Variants in SLC43A3 observed in about 807,000 individuals in gnomAD.
SLC43A3 encodes solute carrier family 43 member 3.
In SLC43A3, 33 loss-of-function variants were observed where a neutral mutation model predicts 53.3. The observed-to-expected ratio is 0.62, with a 90% CI of 0.47 to 0.83. The LOEUF (loss-of-function observed/expected upper bound fraction) is 0.83. SLC43A3 is among the 40% of genes least tolerant of loss of function. The pLI is 0.00. For missense variants in SLC43A3, 530 were observed against 610.0 expected (o/e 0.87, Z 1.38); for synonymous variants, 236 against 246.2 (o/e 0.96, Z 0.39).
At chr11:57,419,298 G>A (rs1942873343) in intron 7 of SLC43A3, among the ~76,000 whole-genome samples, 2 of 152,190 alleles carry the variant, frequency 1.3e-5, no homozygotes, top group Non-Finnish European at 2.9e-5. Context: ...TGACTGGTAT[G>A]ACATCAAAGA....
chr11:57,421,472 G>A (rs1466350704), intron 5 of SLC43A3, 99 bp from the exon 6 acceptor site: 16 of 856,348 alleles, frequency 1.9e-5, no homozygotes, highest in Non-Finnish European at 2.9e-5. Context: ...CAACAATCCT[G>A]GTATCCAGGC....
chr11:57,420,478 T>A (rs1320203480), intron 7 of SLC43A3, among the ~76,000 whole-genome samples: 1 of 152,168 alleles, frequency 6.6e-6, no homozygotes, highest in African/African-American at 2.4e-5. Context: ...ACAGAATGGT[T>A]GTTGATTGAC....
intron 7 of SLC43A3, among the ~76,000 whole-genome samples, chr11:57,418,733 T>C (rs1942837342): frequency 6.6e-6 from 1 of 151,606 alleles, no homozygotes. Flanking sequence ...CTACTGAAAA[T>C]ACAAAAATTA....
At position 57,425,408 on chromosome 11, in the gene SLC43A3, C is replaced by G. The variant is rs1943168041; in HGVS notation, c.314+133G>C. ...TGCCTGGGGCTGTTCCTAACAGCTG[C>G]TGGGAGCGAGCTGCAGGTGTGGTGC... is the stretch of plus-strand genomic sequence containing the variant. On this transcript the variant is annotated intron_variant, in intron 4 of 13. Transcript: ENST00000395124. The G allele has an allele frequency of 1.0e-5, 9 of 881,336 alleles. No individual in the cohort carries two copies. The Admixed American group carries it at 1.8e-4, about 17-fold the overall frequency. The allele number at this position is 881,336 out of a possible 1,614,324, so 54.6% of individuals were successfully genotyped here.
rs764342644 is a variant in SLC43A3 at position 57,409,977 on chromosome 11, C to T, written c.1205G>A (p.Arg402His). 6 of 1,612,948 alleles carry T rather than the reference C, an allele frequency of 3.7e-6. No individual in the cohort carries two copies. Among genetic ancestry groups the T allele is most frequent in the Non-Finnish European group, 5.1e-6 (6 of 1,179,566 alleles). Residue 402 changes from arginine (R) to histidine (H), a missense_variant, in exon 12 of 14, where the codon CGC becomes CAC. Transcript: ENST00000395124. ...CGCGTTGCTCCCATAGAGGAAGGAG[C>T]GGCTGATCACTTGCAGGATGAAGGT... The part of the protein sequence containing the change: ...YLTFILQVIS[R>H]SFLYGSNAAF...
intron 11 of SLC43A3, among the ~76,000 whole-genome samples, chr11:57,413,483 T>C (rs1270154432): frequency 6.6e-6 from 1 of 152,136 alleles, no homozygotes; most frequent in African/African-American, 2.4e-5. Flanking sequence ...CATGTACGGG[T>C]ATAGAGAAAT....
chr11:57,409,067 G>T, intron 13 of SLC43A3, 108 bp downstream of exon 13: 1 of 1,087,562 alleles, frequency 9.2e-7, no homozygotes, highest in Non-Finnish European at 1.4e-6. Flanking sequence ...CAGACCCTTT[G>T]GGAAGCTGCA....
At chr11:57,423,713 A>C in intron 5 of SLC43A3, 1 of 363,524 alleles carries the variant, frequency 2.8e-6, no homozygotes, top group Non-Finnish European at 5.1e-6. Context: ...TACAGGAGTG[A>C]GCCACTGCAC....
At chr11:57,425,453 G>C in intron 4 of SLC43A3, 88 bp downstream of exon 4, 2 of 1,454,038 alleles carry the variant, frequency 1.4e-6, no homozygotes, top group African/African-American at 1.4e-5. Context: ...TGGCCGGGCT[G>C]TCTGACTCTG....
At chr11:57,414,439 G>A (rs1206389838) in intron 11 of SLC43A3, among the ~76,000 whole-genome samples, 176 bp downstream of exon 11, 2 of 145,366 alleles carry the variant, frequency 1.4e-5, no homozygotes, top group African/African-American at 2.6e-5. Context: ...CCCAGGAGGT[G>A]CAGGCTGCAA....
chr11:57,426,051 T>C lies in SLC43A3; in HGVS notation c.122A>G (p.Asp41Gly). ...TGGTCCACACAGATCCTTAAAGTAA[T>C]CTTCATTCTTGAAGACAAACACTAG... is the stretch of plus-strand genomic sequence containing the variant. ...PSLVFVFKNE[D>G]YFKDLCGPDA... The change falls in exon 3 of 14, where the codon GAT (aspartate) becomes GGT (glycine). Residue 41 changes from aspartate to glycine, a missense_variant. Coordinates refer to ENST00000395124, the MANE Select transcript of SLC43A3 (RefSeq NM_199329.3). 6.2e-7 allele frequency: 1 copy of C among 1,614,252 alleles called. No individual in the cohort carries two copies. The highest frequency in any genetic ancestry group is 8.5e-7 in the Non-Finnish European group (1 of 1,180,036).
At position 57,425,933 on chromosome 11, in the gene SLC43A3, T is replaced by C. The variant is rs116907464; in HGVS notation, c.184+56A>G. On this transcript the variant is annotated intron_variant, in intron 3 of 13. Coordinates refer to ENST00000395124, the MANE Select transcript of SLC43A3 (RefSeq NM_199329.3). ...AGGGGGCAGAGTCCTTCCTGCTCCT[T>C]GCCACCACGTGGGAGCCAGACTTAA... 8.3e-3 allele frequency: 12,911 copies of C among 1,558,376 alleles called. 66 individuals are homozygous for C. The highest frequency in any genetic ancestry group is 9.9e-3 in the Non-Finnish European group (11,280 of 1,137,478).
rs200955104 is a variant in SLC43A3, at chr11:57,416,689, C to G, written c.672-19G>C. The G allele has an allele frequency of 1.9e-6, 3 of 1,600,960 alleles. No homozygotes were observed. The highest frequency in any genetic ancestry group is 2.2e-5 in the East Asian group (1 of 44,798). The stretch of plus-strand genomic sequence containing the variant: ...GCACAGGCTATGGAAACAAAAGCCC[C>G]ACCAGCAAGGCCAAGGACTGTGAGC... On this transcript the variant is annotated intron_variant, in intron 8 of 13. Transcript: ENST00000395124.
rs370048809 is a variant in SLC43A3 at position 57,424,045 on chromosome 11, G to A, written c.315-17C>T. 2.5e-5 allele frequency: 40 copies of A among 1,613,212 alleles called. No individual in the cohort carries two copies. The African/African-American group carries it at 3.5e-4, about 14-fold the overall frequency. On this transcript the variant is annotated splice_polypyrimidine_tract_variant and intron_variant, in intron 4 of 13. Transcript: ENST00000395124. ...TAGAAAAATCTGAAACACATAACAG[G>A]AAAAGCAGAATATTGTCAAGGAGGG...
At chr11:57,415,475 T>G in intron 9 of SLC43A3, 1 of 1,194,498 alleles carries the variant, frequency 8.4e-7, no homozygotes, top group South Asian at 1.3e-5. Flanking sequence ...GTGTGGATAC[T>G]CTGTTCTAAC....
chr11:57,412,798 A>G (rs1336583438), intron 11 of SLC43A3, among the ~76,000 whole-genome samples: 1 of 150,890 alleles, frequency 6.6e-6, no homozygotes, highest in Non-Finnish European at 1.5e-5. Context: ...ACACAGTGAG[A>G]CTCTGTCTCA....
At chr11:57,407,991 G>A (rs1942276823) in intron 13 of SLC43A3, 95 bp from the exon 14 acceptor site, 2 of 752,482 alleles carry the variant, frequency 2.7e-6, no homozygotes, top group Non-Finnish European at 4.6e-6. Context: ...CATGACCAAT[G>A]AAGGGACCAG....
In SLC43A3 at chr11:57,425,580, A is replaced by T. The variant is rs1565103698; in HGVS notation, c.275T>A (p.Phe92Tyr). ...NFMTFPTGYI[F>Y]DRFKTTVARL... ...TGCCACGGTGGTCTTGAACCGGTCA[A>T]AGATGTAGCCAGTGGGGAATGTCAT... Residue 92 changes from phenylalanine to tyrosine, a missense_variant, in exon 4 of 14, where the codon TTT becomes TAT. By Grantham distance (22) the Phe-to-Tyr change is conservative. Coordinates refer to ENST00000395124, the MANE Select transcript of SLC43A3 (RefSeq NM_199329.3). 1 of 1,614,142 alleles carries T rather than the reference A, an allele frequency of 6.2e-7. No homozygotes were observed. Among genetic ancestry groups the T allele is most frequent in the Admixed American group, 1.7e-5 (1 of 60,016 alleles).
rs1251966262 is a variant in SLC43A3, at chr11:57,421,280, T to G, written c.438+17A>C. 1.9e-6 allele frequency: 3 copies of G among 1,600,796 alleles called. No homozygotes were observed. Among genetic ancestry groups the G allele is most frequent in the Non-Finnish European group, 2.6e-6 (3 of 1,168,386 alleles). On this transcript the variant is annotated intron_variant, in intron 6 of 13. Coordinates refer to ENST00000395124, the MANE Select transcript of SLC43A3 (RefSeq NM_199329.3). The stretch of plus-strand genomic sequence containing the variant: ...CCGCCACCCTGCCGAGTGCCTGGGA[T>G]TAGGGAAGGCTCCCACCTGCAGGTT...
Sources: gnomAD v4.1 joint callset for allele counts (sites outside exome capture counted in the v4.1 genomes callset) on GRCh38, gnomAD v4.1.1 for gene constraint, MANE v1.5 for transcripts, NCBI Gene and HGNC (gene_info 2026-07-23, HGNC 2026-07-21) for gene names.